The following CCDC102B variants were observed in gnomAD, a reference collection of about 807,000 sequenced individuals.
CCDC102B encodes coiled-coil domain containing 102B.
Under a neutral mutation model 57.4 loss-of-function variants are expected in CCDC102B, and 75 were observed. The ratio of observed to expected loss-of-function variants is 1.31; its 90% CI spans 1.08 to 1.58. The LOEUF (loss-of-function observed/expected upper bound fraction) is 1.58, where lower values mean the gene tolerates loss of function less well. CCDC102B is among the 40% of genes most tolerant of loss of function. The probability of loss-of-function intolerance (pLI) is 0.00; values close to 1 mark genes in which losing one functional copy is unlikely to be tolerated. For synonymous variants in CCDC102B, 206 were observed against 201.9 expected (o/e 1.02, Z -0.17); for missense variants, 636 against 582.6 (o/e 1.09, Z -0.94).
chr18:68,832,239 T>C (rs2037176337), intron 1 of CCDC102B, among the ~76,000 whole-genome samples: 1 of 152,200 alleles, frequency 6.6e-6, no homozygotes, highest in Admixed American at 6.5e-5. Context: ...CCAAAAATGC[T>C]TTTCTTTCTG....
chr18:69,047,159 C>T (rs1192940949), intron 7 of CCDC102B, among the ~76,000 whole-genome samples: 1 of 152,026 alleles, frequency 6.6e-6, no homozygotes, highest in Non-Finnish European at 1.5e-5. Flanking sequence ...AAAAAGTCCT[C>T]AACAAAATAC....
chr18:68,845,082 A>G (rs142700884), intron 3 of CCDC102B, among the ~76,000 whole-genome samples: 2,268 of 151,852 alleles, frequency 0.015, 63 homozygotes, highest in African/African-American at 0.051. Flanking sequence ...TCCTCTTTCA[A>G]TTTTGTGGCT....
At position 68,841,764 on chromosome 18, in the gene CCDC102B, G is replaced by A. The variant is rs532167177; in HGVS notation, c.827+2838G>A. Among the ~76,000 whole-genome samples, 12 of 151,266 alleles carry A rather than the reference G, an allele frequency of 7.9e-5. No homozygotes were observed. In the East Asian group the frequency reaches 9.7e-4, roughly 12 times the overall value. ...TTTCTTTACTTTTTGAGACAGTCTC[G>A]CTCTGTTGCCCAGGCTGAAGTGCAG... is the stretch of plus-strand genomic sequence containing the variant. On this transcript the variant is annotated intron_variant, in intron 3 of 7. Transcript: ENST00000360242.
intron 6 of CCDC102B, among the ~76,000 whole-genome samples, chr18:68,907,881 CTT>C (rs1376867416): frequency 6.6e-6 from 1 of 152,164 alleles, no homozygotes; most frequent in African/African-American, 2.4e-5. Flanking sequence ...AGGGGGAAGA[CTT>C]TCAAACTTTT....
intron 4 of CCDC102B, among the ~76,000 whole-genome samples, chr18:68,874,446 T>G (rs999541751): frequency 2.7e-5 from 4 of 145,920 alleles, no homozygotes; most frequent in African/African-American, 7.8e-5. Flanking sequence ...AATTGGGATT[T>G]ATGGAGATTT....
chr18:68,789,198 T>G (rs575439139), intron 2 of CCDC102B, among the ~76,000 whole-genome samples: 1 of 152,172 alleles, frequency 6.6e-6, no homozygotes, highest in Non-Finnish European at 1.5e-5. Flanking sequence ...CCGAGAGATC[T>G]GCTGTTAGTC....
chr18:68,987,099 G>T (rs928006980), intron 6 of CCDC102B, among the ~76,000 whole-genome samples: 1 of 152,106 alleles, frequency 6.6e-6, no homozygotes, highest in African/African-American at 2.4e-5. Context: ...CCAAAAAAGA[G>T]CCTAAAGAGC....
At chr18:68,964,740 G>A (rs1568357457) in intron 6 of CCDC102B, among the ~76,000 whole-genome samples, 1 of 151,662 alleles carries the variant, frequency 6.6e-6, no homozygotes, top group Non-Finnish European at 1.5e-5. Context: ...CATTTGGAGA[G>A]CTTCTTTTAG....
intron 6 of CCDC102B, chr18:68,992,656 A>ACTT (rs2050903787): frequency 6.6e-6 from 1 of 152,542 alleles, no homozygotes; most frequent in African/African-American, 2.4e-5. Context: ...GGGGAAGAAG[A>ACTT]GGTCCTTGGC....
At chr18:68,908,732 CTT>C (rs1212999807) in intron 6 of CCDC102B, 1 of 152,056 alleles carries the variant, frequency 6.6e-6, no homozygotes, top group African/African-American at 2.4e-5. Context: ...GGTCTTCAAA[CTT>C]AAATAATATT....
At chr18:68,983,002 TG>T (rs1468804157) in intron 6 of CCDC102B, among the ~76,000 whole-genome samples, 1 of 151,924 alleles carries the variant, frequency 6.6e-6, no homozygotes, top group Non-Finnish European at 1.5e-5. Flanking sequence ...CACAAGGATT[TG>T]TACCATACAT....
intron 7 of CCDC102B, among the ~76,000 whole-genome samples, chr18:69,013,472 C>T (rs1412596894): frequency 2.6e-5 from 4 of 152,178 alleles, no homozygotes; most frequent in African/African-American, 4.8e-5. Context: ...GACTTCACCA[C>T]TGTGCAATAT....
intron 6 of CCDC102B, among the ~76,000 whole-genome samples, chr18:68,924,066 A>G (rs1383073475): frequency 1.3e-5 from 2 of 152,048 alleles, no homozygotes; most frequent in Non-Finnish European, 2.9e-5. Flanking sequence ...TGTTACTACA[A>G]TATGTCTTAA....
chr18:68,836,799 A>G lies in CCDC102B; in HGVS notation c.36A>G (p.Glu12=). ...NLDSIHRLIE[E]TQIFQMQQSS... is the part of the protein sequence containing the mutation. The stretch of plus-strand genomic sequence containing the variant: ...ATTCCATACATCGATTAATTGAGGA[A>G]ACACAGATCTTCCAGATGCAACAAT... The change falls in exon 2 of 8, where the codon GAA becomes GAG. Residue 12 remains glutamate (E), a synonymous_variant. Coordinates refer to ENST00000360242, the MANE Select transcript of CCDC102B (RefSeq NM_024781.3). 1 of 1,613,736 alleles carries G rather than the reference A, an allele frequency of 6.2e-7. No homozygotes were observed. Among genetic ancestry groups the G allele is most frequent in the Non-Finnish European group, 8.5e-7 (1 of 1,179,774 alleles).
chr18:69,019,377 A>G (rs1003668436), intron 7 of CCDC102B, among the ~76,000 whole-genome samples: 9 of 151,832 alleles, frequency 5.9e-5, no homozygotes, highest in Admixed American at 1.3e-4. Flanking sequence ...CTCTTCTTCA[A>G]TTTCTTTTAT....
intron 5 of CCDC102B, among the ~76,000 whole-genome samples, chr18:68,878,602 T>C (rs2039547243): frequency 6.6e-6 from 1 of 152,142 alleles, no homozygotes; most frequent in South Asian, 2.1e-4. Context: ...CTCTACCATG[T>C]GGATACACAG....
chr18:68,930,116 G>A (rs935970422), intron 6 of CCDC102B, among the ~76,000 whole-genome samples: 2 of 151,040 alleles, frequency 1.3e-5, no homozygotes. Flanking sequence ...AGGAAACAAA[G>A]GCCAATGTAG....
intron 1 of CCDC102B, among the ~76,000 whole-genome samples, chr18:68,809,339 A>G (rs1468707455): frequency 4.6e-5 from 7 of 152,190 alleles, no homozygotes; most frequent in African/African-American, 1.7e-4. Flanking sequence ...AAATATTTAT[A>G]TTTGAGAGAT....
intron 1 of CCDC102B, among the ~76,000 whole-genome samples, chr18:68,814,109 C>T (rs1277762931): frequency 6.6e-6 from 1 of 152,074 alleles, no homozygotes; most frequent in Non-Finnish European, 1.5e-5. Flanking sequence ...GTATAAAAGG[C>T]TTTCTCTAAA....
Sources: gnomAD v4.1 joint callset for allele counts (sites outside exome capture counted in the v4.1 genomes callset) on GRCh38, gnomAD v4.1.1 for gene constraint, MANE v1.5 for transcripts, NCBI Gene and HGNC (gene_info 2026-07-23, HGNC 2026-07-21) for gene names.